CIP2A: variants seen among roughly 807,000 people sequenced by gnomAD.
CIP2A encodes the protein protein CIP2A.
Under a neutral mutation model 110.9 loss-of-function variants are expected in CIP2A, and 103 were observed. The observed-to-expected ratio is 0.93, with a 90% CI of 0.79 to 1.09. The LOEUF is 1.09. CIP2A is among the 50% of genes least tolerant of loss of function. The pLI, the probability that CIP2A is intolerant of heterozygous loss-of-function variation, is 0.00. For synonymous variants in CIP2A, 381 were observed against 361.6 expected, an observed-to-expected ratio of 1.05 and a Z score of -0.61; for missense variants, 1,088 against 1,038.4, an observed-to-expected ratio of 1.05 and a Z score of -0.66.
chr3:108,575,495 T>C lies in CIP2A; in HGVS notation c.894+776A>G, dbSNP rs116021261. Among the ~76,000 whole-genome samples the C allele has an allele frequency of 4.9e-3, 704 of 142,364 alleles. 46 individuals carry two copies. Among genetic ancestry groups the C allele is most frequent in the African/African-American group, 0.02 (679 of 34,324 alleles). 93.4% of individuals were successfully genotyped at this position (142,364 alleles called of 152,430 possible). ...ATATATACACATATATGCACACATA[T>C]GTATATATGTATATATACACATACA... is the stretch of plus-strand genomic sequence containing the variant. On this transcript the variant is annotated intron_variant, in intron 8 of 20. Transcript: ENST00000295746.
At chr3:108,562,402 A>G (rs1329701943) in intron 13 of CIP2A, among the ~76,000 whole-genome samples, 11 of 152,110 alleles carry the variant, frequency 7.2e-5, no homozygotes, top group Non-Finnish European at 2.9e-5. Context: ...ATGCCTGTCC[A>G]CTGGCCAGTT....
At chr3:108,582,085 T>C in intron 4 of CIP2A, 23 bp downstream of exon 4, 1 of 1,082,616 alleles carries the variant, frequency 9.2e-7, no homozygotes, top group South Asian at 1.5e-5. Flanking sequence ...ACTATTTGGT[T>C]TTATGTTTGA....
intron 8 of CIP2A, among the ~76,000 whole-genome samples, chr3:108,575,383 TGC>T (rs759039691): frequency 4.9e-4 from 74 of 150,264 alleles, no homozygotes; most frequent in East Asian, 4.5e-3. Context: ...TATACATGTA[TGC>T]GTGTATATAT....
chr3:108,567,975 A>G (rs866231346), intron 10 of CIP2A, among the ~76,000 whole-genome samples, 180 bp downstream of exon 10: 4 of 152,130 alleles, frequency 2.6e-5, no homozygotes, highest in Middle Eastern at 3.4e-3. Flanking sequence ...AAAAAAAATC[A>G]TGGATCTTTT....
At chr3:108,577,717 G>A (rs1486520314) in intron 7 of CIP2A, among the ~76,000 whole-genome samples, 1 of 151,994 alleles carries the variant, frequency 6.6e-6, no homozygotes, top group African/African-American at 2.4e-5. Flanking sequence ...TGGCCAACAC[G>A]GTGAAACCCG....
At chr3:108,574,824 C>A in intron 8 of CIP2A, 2 of 154,048 alleles carry the variant, frequency 1.3e-5, no homozygotes, top group South Asian at 3.7e-4. Flanking sequence ...GTGGCCAAGT[C>A]ATCATGTCCA....
In CIP2A at chr3:108,585,594, C is replaced by G. The variant is rs182361658; in HGVS notation, c.103-382G>C. On this transcript the variant is annotated intron_variant, in intron 1 of 20. Transcript: ENST00000295746. ...CACTACATTGAACATGCGATGAAGG[C>G]ATAGCCTACAAATCTGCACTCTAGT... 37 of 426,450 alleles carry G rather than the reference C, an allele frequency of 8.7e-5. No homozygotes were observed. In the East Asian group the frequency reaches 2.4e-3, roughly 28 times the overall value. 26.4% of individuals were successfully genotyped at this position (426,450 alleles called of 1,614,324 possible).
intron 8 of CIP2A, among the ~76,000 whole-genome samples, chr3:108,571,751 A>C (rs1938408744): frequency 6.6e-6 from 1 of 152,144 alleles, no homozygotes; most frequent in Non-Finnish European, 1.5e-5. Flanking sequence ...TACACATGTA[A>C]ACAATTCTTT....
In CIP2A at chr3:108,551,207, A is replaced by G. The variant is rs2083892799; in HGVS notation, c.2660T>C (p.Met887Thr). Residue 887 changes from methionine (M) to threonine (T), a missense_variant, in exon 21 of 21, where the codon ATG (methionine) becomes ACG (threonine). Coordinates refer to ENST00000295746, the MANE Select transcript of CIP2A (RefSeq NM_020890.3). ...ELNKHSHMIAMIHSLSGGKIN... is the reference protein window; with the variant it reads ...ELNKHSHMIATIHSLSGGKIN... Reference sequence around the variant, plus strand: ...TTTTCCACCACTTAAACTGTGGATCATTGCTATCATGTGGGAGTGTTTGTT... The same window carrying G: ...TTTTCCACCACTTAAACTGTGGATCGTTGCTATCATGTGGGAGTGTTTGTT... The G allele has an allele frequency of 6.2e-7, 1 of 1,611,252 alleles. No homozygotes were observed. Among genetic ancestry groups the G allele is most frequent in the Admixed American group, 1.7e-5 (1 of 59,862 alleles).
chr3:108,557,171 G>C (rs765211000), intron 17 of CIP2A, 47 bp downstream of exon 17: 2 of 1,225,314 alleles, frequency 1.6e-6, no homozygotes, highest in Admixed American at 4.5e-5. Context: ...AATGCTGCAT[G>C]TTCATTCTAG....
chr3:108,561,635 C>A (rs1010795939), intron 13 of CIP2A, among the ~76,000 whole-genome samples: 2 of 152,134 alleles, frequency 1.3e-5, no homozygotes, highest in Admixed American at 6.5e-5. Flanking sequence ...CACCACTGCA[C>A]CCCAGTCTGG....
chr3:108,568,191 A>AT lies in CIP2A; in HGVS notation c.1236dup (p.Cys413MetfsTer2), dbSNP rs749552199. 4 of 1,612,106 alleles carry AT rather than the reference A, an allele frequency of 2.5e-6. No homozygotes were observed. The highest frequency in any genetic ancestry group is 3.4e-6 in the Non-Finnish European group (4 of 1,178,704). On this transcript the variant is annotated frameshift_variant, in exon 10 of 21. Coordinates refer to ENST00000295746, the MANE Select transcript of CIP2A (RefSeq NM_020890.3). LOFTEE classifies it high-confidence loss of function. Reference sequence around the variant, plus strand: ...TCAATGGCCTTGGCAATCCTTTCACATTTTTTTCTTGTTAAAGCCTCATCT... The same window carrying AT: ...TCAATGGCCTTGGCAATCCTTTCACATTTTTTTTCTTGTTAAAGCCTCATCT...
chr3:108,551,459 C>A, intron 20 of CIP2A, 140 bp from the exon 21 acceptor site: 2 of 513,854 alleles, frequency 3.9e-6, no homozygotes, highest in East Asian at 6.4e-5. Context: ...TATTATACTT[C>A]AGTTAATTCA....
chr3:108,589,335 ACAGT>A lies in CIP2A; in HGVS notation c.37_40del (p.Thr13SerfsTer7), dbSNP rs746110713. On this transcript the variant is annotated frameshift_variant, in exon 1 of 21. Transcript: ENST00000295746. LOFTEE classifies it high-confidence loss of function. ...TGACTTCACGGCTTTGTACTGACTG[ACAGT>A]CAGGAGCAAGGACTTCAAGCAGGCA... 2.5e-6 allele frequency: 4 copies of A among 1,614,010 alleles called. No individual in the cohort carries two copies.
In CIP2A at chr3:108,579,271, T is replaced by A. The variant is rs1291056625; in HGVS notation, c.818+10A>T. On this transcript the variant is annotated intron_variant, in intron 7 of 20. Transcript: ENST00000295746. Reference sequence around the variant, plus strand: ...AAAAAAGTTCTAAAATTGACTGAAGTGAGTCATACCTGGTGAGATAATCAG... The same window carrying A: ...AAAAAAGTTCTAAAATTGACTGAAGAGAGTCATACCTGGTGAGATAATCAG... 9 of 1,593,704 alleles carry A rather than the reference T, an allele frequency of 5.6e-6. No individual in the cohort carries two copies. The highest frequency in any genetic ancestry group is 7.7e-6 in the Non-Finnish European group (9 of 1,168,408).
chr3:108,576,337 G>T lies in CIP2A; in HGVS notation c.828C>A (p.His276Gln). Residue 276 changes from histidine (H) to glutamine (Q), a missense_variant, in exon 8 of 21, where the codon CAC becomes CAA. Physicochemically the swap from His to Gln is conservative, Grantham distance 24. Transcript: ENST00000295746. Reference sequence around the variant, plus strand: ...ATACTTGGTGAAGACATGAAGAAAAGTGCTCATATCTAGGTTTAGAATAAA... The same window carrying T: ...ATACTTGGTGAAGACATGAAGAAAATTGCTCATATCTAGGTTTAGAATAAA... ...KIADYLTRYE[H>Q]FSSCLHQVLG... The T allele has an allele frequency of 6.5e-7, 1 of 1,538,796 alleles. No homozygotes were observed. The highest frequency in any genetic ancestry group is 8.8e-7 in the Non-Finnish European group (1 of 1,131,984).
chr3:108,581,627 C>T lies in CIP2A; in HGVS notation c.453-116G>A. 3 of 609,022 alleles carry T rather than the reference C, an allele frequency of 4.9e-6. No homozygotes were observed. The South Asian group carries it at 6.6e-5, about 13-fold the overall frequency. The allele number at this position is 609,022 out of a possible 1,614,324, so 37.7% of individuals were successfully genotyped here. A position where few individuals can be genotyped will look rare whatever the true frequency, so the allele number is the denominator to read the frequency against. On this transcript the variant is annotated intron_variant, in intron 4 of 20. Transcript: ENST00000295746. ...GTTTATACATTTCAATTCCCTTTTA[C>T]ACGCAAAAAAAAAAACTAATTAACA...
intron 12 of CIP2A, among the ~76,000 whole-genome samples, chr3:108,564,813 T>A (rs936292819): frequency 6.6e-6 from 1 of 151,894 alleles, no homozygotes; most frequent in Non-Finnish European, 1.5e-5. Context: ...TCTAGAATCA[T>A]AAATAAAAGC....
intron 7 of CIP2A, 106 bp from the exon 8 acceptor site, chr3:108,576,452 T>A (rs1257543955): frequency 1.7e-6 from 1 of 589,332 alleles, no homozygotes; most frequent in South Asian, 3.1e-5. Flanking sequence ...TTTTCTTTCA[T>A]CTATTTATTT....
Sources: gnomAD v4.1 joint callset for allele counts (sites outside exome capture counted in the v4.1 genomes callset) on GRCh38, gnomAD v4.1.1 for gene constraint, MANE v1.5 for transcripts, NCBI Gene and HGNC (gene_info 2026-07-23, HGNC 2026-07-21) for gene names.